Variants in MACROD2 observed in about 807,000 individuals in gnomAD.
MACROD2 encodes the protein ADP-ribose glycohydrolase MACROD2.
Under a neutral mutation model 70.4 loss-of-function variants are expected in MACROD2, and 36 were observed. The observed-to-expected ratio is 0.51, with a 90% confidence interval of 0.39 to 0.68. The LOEUF is 0.68. Ranked by LOEUF, MACROD2 falls within the 30% of genes least tolerant of loss-of-function variation. The pLI, the probability that MACROD2 is intolerant of heterozygous loss-of-function variation, is 0.00. For synonymous variants in MACROD2, 172 were observed against 178.8 expected, an observed-to-expected ratio of 0.96 and a Z score of 0.30; for missense variants, 496 against 538.4, an observed-to-expected ratio of 0.92 and a Z score of 0.78.
At chr20:14,384,913 C>T (rs1299961310) in intron 3 of MACROD2, among the ~76,000 whole-genome samples, 1 of 151,966 alleles carries the variant, frequency 6.6e-6, no homozygotes, top group African/African-American at 2.4e-5. Flanking sequence ...TGCCAAGAAA[C>T]CTGTTTTCAC....
intron 5 of MACROD2, among the ~76,000 whole-genome samples, chr20:15,068,636 C>G (rs2075595824): frequency 6.6e-6 from 1 of 152,156 alleles, no homozygotes; most frequent in Admixed American, 6.5e-5. Context: ...CATGCTGGCT[C>G]CCCCTTTGCC....
intron 5 of MACROD2, among the ~76,000 whole-genome samples, chr20:14,890,788 AAAG>A (rs1274892860): frequency 9.2e-5 from 14 of 151,368 alleles, no homozygotes; most frequent in Non-Finnish European, 5.9e-5. Context: ...ATTAAAAAAA[AAAG>A]AAAGAAGGAA....
chr20:15,155,406 C>A (rs1375565066), intron 5 of MACROD2, among the ~76,000 whole-genome samples: 2 of 152,196 alleles, frequency 1.3e-5, no homozygotes, highest in Non-Finnish European at 2.9e-5. Flanking sequence ...AGGCTTGGAG[C>A]ATCCCTAACA....
chr20:15,142,757 T>C (rs139673781), intron 5 of MACROD2, among the ~76,000 whole-genome samples: 2 of 25,436 alleles, frequency 7.9e-5, no homozygotes, highest in Non-Finnish European at 1.8e-4. Context: ...TGAGAACACG[T>C]GGTGTTTGGT....
At chr20:15,888,575 T>G (rs2064850059) in intron 10 of MACROD2, among the ~76,000 whole-genome samples, 1 of 152,194 alleles carries the variant, frequency 6.6e-6, no homozygotes, top group African/African-American at 2.4e-5. Context: ...TTATTAATGC[T>G]AATGCAGAGT....
At chr20:15,250,469 A>C (rs1265925455) in intron 6 of MACROD2, among the ~76,000 whole-genome samples, 3 of 152,226 alleles carry the variant, frequency 2.0e-5, no homozygotes, top group African/African-American at 4.8e-5. Flanking sequence ...GCTTATGATA[A>C]ATTAGCATGA....
intron 10 of MACROD2, among the ~76,000 whole-genome samples, chr20:15,900,773 A>G (rs2065052083): frequency 6.6e-6 from 1 of 152,204 alleles, no homozygotes; most frequent in African/African-American, 2.4e-5. Flanking sequence ...ATAGAGAAAC[A>G]GTTCAGTATG....
At chr20:14,977,026 G>A (rs866061948) in intron 5 of MACROD2, among the ~76,000 whole-genome samples, 4 of 152,092 alleles carry the variant, frequency 2.6e-5, no homozygotes, top group East Asian at 1.9e-4. Context: ...CAATGATCAC[G>A]TGATCGAAAG....
intron 5 of MACROD2, among the ~76,000 whole-genome samples, chr20:15,168,327 C>T (rs1380972260): frequency 2.0e-5 from 3 of 151,926 alleles, no homozygotes; most frequent in Non-Finnish European, 2.9e-5. Flanking sequence ...ACATATAAAT[C>T]GAGGGCATTC....
chr20:14,605,438 A>G (rs1982743708), intron 4 of MACROD2, among the ~76,000 whole-genome samples: 1 of 152,068 alleles, frequency 6.6e-6, no homozygotes, highest in African/African-American at 2.4e-5. Flanking sequence ...TTGGATTAGG[A>G]CCCATTCTAA....
chr20:16,007,321 G>C, intron 15 of MACROD2, among the ~76,000 whole-genome samples: 1 of 152,198 alleles, frequency 6.6e-6, no homozygotes, highest in South Asian at 2.1e-4. Context: ...CCCAGCCAAC[G>C]TGGCAGTTCT....
intron 5 of MACROD2, among the ~76,000 whole-genome samples, chr20:14,903,006 G>A (rs1354770549): frequency 6.6e-6 from 1 of 150,996 alleles, no homozygotes; most frequent in Non-Finnish European, 1.5e-5. Flanking sequence ...ACGTCAGGGA[G>A]AGGACATCTA....
chr20:15,841,309 G>A (rs368154619), intron 8 of MACROD2, among the ~76,000 whole-genome samples: 35 of 152,054 alleles, frequency 2.3e-4, no homozygotes, highest in African/African-American at 7.5e-4. Context: ...GGTCCAGGAT[G>A]GGGGGGTGTA....
At chr20:14,611,472 T>C (rs1051521729) in intron 4 of MACROD2, among the ~76,000 whole-genome samples, 9 of 141,616 alleles carry the variant, frequency 6.4e-5, no homozygotes, top group Admixed American at 6.3e-4. Context: ...TTTTTTTTTT[T>C]GGCGGGGGGT....
chr20:15,191,576 C>T (rs1411357697), intron 5 of MACROD2, among the ~76,000 whole-genome samples: 1 of 152,156 alleles, frequency 6.6e-6, no homozygotes, highest in East Asian at 1.9e-4. Flanking sequence ...AGATGATCAA[C>T]ACAAAAGGGG....
At chr20:14,894,480 C>T (rs1431745760) in intron 5 of MACROD2, 1 of 152,154 alleles carries the variant, frequency 6.6e-6, no homozygotes, top group Admixed American at 6.6e-5. Flanking sequence ...GCCTCAGCCT[C>T]CCAAAGTGCT....
At chr20:14,727,424 A>G (rs549468680) in intron 5 of MACROD2, among the ~76,000 whole-genome samples, 31 of 152,164 alleles carry the variant, frequency 2.0e-4, no homozygotes, top group Non-Finnish European at 4.1e-4. Flanking sequence ...GGTCACAGCT[A>G]CTTGGGAGGC....
At chr20:15,873,676 T>C (rs1323498302) in intron 9 of MACROD2, among the ~76,000 whole-genome samples, 1 of 150,656 alleles carries the variant, frequency 6.6e-6, no homozygotes, top group Non-Finnish European at 1.5e-5. Context: ...TTTTAAAATA[T>C]ATAAAAAAGA....
chr20:14,962,348 G>A (rs1447916625), intron 5 of MACROD2, among the ~76,000 whole-genome samples: 1 of 151,914 alleles, frequency 6.6e-6, no homozygotes, highest in Non-Finnish European at 1.5e-5. Context: ...ACCCAGGCTG[G>A]AGTACATTGG....
Sources: allele counts gnomAD v4.1 joint callset (sites outside exome capture counted in the v4.1 genomes callset), GRCh38; gene constraint gnomAD v4.1.1; transcripts MANE v1.5; gene names NCBI Gene and HGNC (gene_info 2026-07-23, HGNC 2026-07-21).